PDE8A: variants seen among roughly 807,000 people sequenced by gnomAD.
PDE8A encodes phosphodiesterase 8A, also known as high affinity cAMP-specific and IBMX-insensitive 3',5'-cyclic phosphodiesterase 8A.
Under a neutral mutation model 105.0 loss-of-function variants are expected in PDE8A, and 59 were observed. That is an observed-to-expected ratio of 0.56 (90% CI 0.46 to 0.70). The LOEUF is 0.70. Ranked by LOEUF, PDE8A falls within the 30% of genes least tolerant of loss-of-function variation. The probability of loss-of-function intolerance (pLI) is 0.00; values close to 1 mark genes in which losing one functional copy is unlikely to be tolerated. For missense variants in PDE8A, 1,014 were observed against 1,045.9 expected, an observed-to-expected ratio of 0.97 and a Z score of 0.42; for synonymous variants, 355 against 371.9, an observed-to-expected ratio of 0.95 and a Z score of 0.52.
intron 11 of PDE8A, among the ~76,000 whole-genome samples, chr15:85,103,590 G>GT (rs2081901080): frequency 7.2e-5 from 11 of 152,216 alleles, no homozygotes; most frequent in Admixed American, 1.3e-4. Context: ...CAGAAAAGGA[G>GT]TTTTTTCTGG....
intron 1 of PDE8A, among the ~76,000 whole-genome samples, chr15:85,041,742 C>T (rs2080811512): frequency 1.3e-5 from 2 of 152,172 alleles, no homozygotes; most frequent in African/African-American, 4.8e-5. Flanking sequence ...TTTCCTAAAC[C>T]TTCAGCCTGG....
At chr15:84,984,688 T>C (rs904128065) in intron 1 of PDE8A, among the ~76,000 whole-genome samples, 5 of 152,204 alleles carry the variant, frequency 3.3e-5, no homozygotes, top group Non-Finnish European at 7.3e-5. Flanking sequence ...CTGCATGTGT[T>C]CTATGGAACA....
chr15:84,983,065 G>A (rs1391805240), intron 1 of PDE8A, among the ~76,000 whole-genome samples: 1 of 152,154 alleles, frequency 6.6e-6, no homozygotes, highest in Non-Finnish European at 1.5e-5. Context: ...TACATTGCGT[G>A]TCTTCTCCAG....
At position 85,139,021 on chromosome 15, in the gene PDE8A, T is replaced by A. The variant is rs917709327; in HGVS notation, c.*1118T>A. On this transcript the variant is annotated 3_prime_UTR_variant, in exon 22 of 22. Coordinates refer to ENST00000394553, the MANE Select transcript of PDE8A (RefSeq NM_002605.3). Reference sequence around the variant, plus strand: ...AGGTTCTGTATCTTCACACCTTGAATAAGCATAATACCATAAAAAATGACA... The same window carrying A: ...AGGTTCTGTATCTTCACACCTTGAAAAAGCATAATACCATAAAAAATGACA... 2.0e-5 allele frequency: 3 copies of A among 152,204 alleles called. No homozygotes were observed. The highest frequency in any genetic ancestry group is 7.2e-5 in the African/African-American group (3 of 41,462). 9.4% of individuals were successfully genotyped at this position (152,204 alleles called of 1,614,324 possible). A position where few individuals can be genotyped will look rare whatever the true frequency, so the allele number is the denominator to read the frequency against.
intron 1 of PDE8A, among the ~76,000 whole-genome samples, chr15:85,057,439 G>A (rs1567254991): frequency 2.0e-5 from 3 of 152,218 alleles, no homozygotes; most frequent in Non-Finnish European, 4.4e-5. Flanking sequence ...AGGCCTCCTT[G>A]AGCTGTGGTG....
chr15:85,047,067 C>G (rs2141409681), intron 1 of PDE8A, among the ~76,000 whole-genome samples: 1 of 152,218 alleles, frequency 6.6e-6, no homozygotes, highest in East Asian at 1.9e-4. Context: ...AGCTATTGAA[C>G]ATACTTTTGT....
At chr15:85,079,929 G>A (rs1488908661) in intron 5 of PDE8A, among the ~76,000 whole-genome samples, 1 of 151,734 alleles carries the variant, frequency 6.6e-6, no homozygotes, top group Non-Finnish European at 1.5e-5. Flanking sequence ...AAAAAAGAAA[G>A]AATAAAAGCA....
intron 5 of PDE8A, among the ~76,000 whole-genome samples, chr15:85,081,057 A>G (rs1283412234): frequency 6.6e-6 from 1 of 152,206 alleles, no homozygotes; most frequent in Admixed American, 6.5e-5. Context: ...TTGTGTGACA[A>G]AAGGATGCTC....
intron 5 of PDE8A, among the ~76,000 whole-genome samples, chr15:85,078,795 T>G (rs1295717058): frequency 1.3e-5 from 2 of 152,092 alleles, no homozygotes; most frequent in Non-Finnish European, 2.9e-5. Flanking sequence ...CTGTATAGGG[T>G]AAATATAAAT....
rs1187350714 is a variant in PDE8A, at chr15:85,058,490, T to A, written c.187-5880T>A. ...GTTTGAGAAGGATTGTATTAGTTCT[T>A]TAAATGCTTGGTAGAATTCACCTGT... On this transcript the variant is annotated intron_variant, in intron 1 of 21. Transcript: ENST00000394553. Among the ~76,000 whole-genome samples, 3 of 152,336 alleles carry A rather than the reference T, an allele frequency of 2.0e-5. No individual in the cohort carries two copies. In the East Asian group the frequency reaches 5.8e-4, roughly 29 times the overall value.
At chr15:85,026,686 A>C (rs1164956101) in intron 1 of PDE8A, among the ~76,000 whole-genome samples, 1 of 152,206 alleles carries the variant, frequency 6.6e-6, no homozygotes, top group Non-Finnish European at 1.5e-5. Context: ...TTTTAAAACA[A>C]GATAGATGCT....
intron 1 of PDE8A, among the ~76,000 whole-genome samples, chr15:85,057,811 T>A (rs2081085818): frequency 6.6e-6 from 1 of 152,226 alleles, no homozygotes; most frequent in Non-Finnish European, 1.5e-5. Context: ...GAGGCTTTTG[T>A]CCTTTATTCT....
At chr15:84,987,110 C>T (rs1159772036) in intron 1 of PDE8A, among the ~76,000 whole-genome samples, 1 of 152,190 alleles carries the variant, frequency 6.6e-6, no homozygotes, top group Non-Finnish European at 1.5e-5. Context: ...TACAGTTTAT[C>T]TCTAGAGCTC....
intron 1 of PDE8A, among the ~76,000 whole-genome samples, chr15:85,046,734 A>T (rs1440806703): frequency 6.6e-6 from 1 of 152,160 alleles, no homozygotes; most frequent in East Asian, 1.9e-4. Flanking sequence ...GGGGAGTAGA[A>T]ATTTTACAGA....
At chr15:85,125,449 TG>T (rs1471665076) in intron 19 of PDE8A, among the ~76,000 whole-genome samples, 1 of 152,088 alleles carries the variant, frequency 6.6e-6, no homozygotes, top group African/African-American at 2.4e-5. Flanking sequence ...CCATATCCAG[TG>T]GGGATCCTTG....
chr15:85,127,693 G>GC (rs1183587261), intron 20 of PDE8A, among the ~76,000 whole-genome samples: 10 of 152,086 alleles, frequency 6.6e-5, no homozygotes, highest in African/African-American at 2.4e-4. Flanking sequence ...AAATGGTGAG[G>GC]CATATCATGT....
At chr15:85,007,820 G>A (rs2141325260) in intron 1 of PDE8A, among the ~76,000 whole-genome samples, 1 of 152,226 alleles carries the variant, frequency 6.6e-6, no homozygotes, top group Admixed American at 6.5e-5. Context: ...GTATGAGGGA[G>A]AACTGATGAA....
intron 8 of PDE8A, among the ~76,000 whole-genome samples, chr15:85,095,859 AAT>A (rs1555478243): frequency 6.8e-5 from 8 of 118,262 alleles, no homozygotes; most frequent in African/African-American, 2.2e-4. Context: ...GAAGATCCTG[AAT>A]ATATATATAT....
chr15:85,125,368 C>T (rs980213661), intron 19 of PDE8A, among the ~76,000 whole-genome samples: 1 of 152,142 alleles, frequency 6.6e-6, no homozygotes, highest in South Asian at 2.1e-4. Flanking sequence ...TGCTCTCTGC[C>T]CCAATACCCT....
Sources: allele counts gnomAD v4.1 joint callset (sites outside exome capture counted in the v4.1 genomes callset), GRCh38; gene constraint gnomAD v4.1.1; transcripts MANE v1.5; gene names NCBI Gene and HGNC (gene_info 2026-07-23, HGNC 2026-07-21).